CYTH4: variants seen among roughly 807,000 people sequenced by gnomAD.
The protein encoded by CYTH4 is cytohesin 4, also known as cytohesin-4.
A neutral mutation model predicts 57.5 loss-of-function variants in CYTH4; 22 were observed. That is an observed-to-expected ratio of 0.38 (90% CI 0.27 to 0.55). The LOEUF is 0.55. Ranked by LOEUF, CYTH4 falls within the 20% of genes least tolerant of loss-of-function variation. The pLI is 0.74. For synonymous variants in CYTH4, 186 were observed against 206.5 expected, an observed-to-expected ratio of 0.90 and a Z score of 0.85; for missense variants, 420 against 535.6, an observed-to-expected ratio of 0.78 and a Z score of 2.13.
intron 8 of CYTH4, among the ~76,000 whole-genome samples, chr22:37,308,164 A>G (rs1038475761): frequency 1.3e-5 from 2 of 152,222 alleles, no homozygotes; most frequent in South Asian, 4.1e-4. Flanking sequence ...GAAGTGGCCT[A>G]TCCTCCTCCC....
Position 37,311,085 on chromosome 22 carries a change from C to A in CYTH4, c.885+21C>A, listed in dbSNP as rs751633533. 1 of 1,611,896 alleles carries A rather than the reference C, an allele frequency of 6.2e-7. No homozygotes were observed. Among genetic ancestry groups the A allele is most frequent in the South Asian group, 1.1e-5 (1 of 91,038 alleles). On this transcript the variant is annotated intron_variant, in intron 10 of 12. Coordinates refer to ENST00000248901, the MANE Select transcript of CYTH4 (RefSeq NM_013385.5). This position sits in a 1 kb window ranked among gnomAD's most constrained non-coding sequence, Gnocchi z 4.4. The stretch of plus-strand genomic sequence containing the variant: ...CCACTGTGAGCAGGGTTCTCCTGGG[C>A]CTTCCCCTGCCCCCGCCTCTCCCCG...
intron 8 of CYTH4, among the ~76,000 whole-genome samples, chr22:37,308,345 ATGTG>A (rs967533990): frequency 6.6e-6 from 1 of 152,168 alleles, no homozygotes; most frequent in Non-Finnish European, 1.5e-5. Context: ...GTAAGCATGC[ATGTG>A]TGTGTGGGCA....
Position 37,312,000 on chromosome 22 carries a change from G to A in CYTH4, c.958-20G>A. The A allele has an allele frequency of 6.2e-7, 1 of 1,607,366 alleles. No individual in the cohort carries two copies. Among genetic ancestry groups the A allele is most frequent in the Non-Finnish European group, 8.5e-7 (1 of 1,174,938 alleles). ...CCAGCCTCCCTCTCTTCCCACCCTT[G>A]CCTGGCCACCTCCCCACAGTTCTGC... On this transcript the variant is annotated intron_variant, in intron 11 of 12. Coordinates refer to ENST00000248901, the MANE Select transcript of CYTH4 (RefSeq NM_013385.5). This position sits in a 1 kb window ranked among gnomAD's most constrained non-coding sequence, Gnocchi z 4.4.
intron 1 of CYTH4, among the ~76,000 whole-genome samples, chr22:37,290,257 A>G (rs968787714): frequency 3.9e-5 from 6 of 152,132 alleles, no homozygotes; most frequent in Admixed American, 2.0e-4. Flanking sequence ...GCTGATGTCA[A>G]CTTGGATCCT....
At chr22:37,290,633 G>A (rs1928715589) in intron 1 of CYTH4, among the ~76,000 whole-genome samples, 2 of 152,088 alleles carry the variant, frequency 1.3e-5, no homozygotes, top group African/African-American at 4.8e-5. Context: ...AGCCTCCTCC[G>A]GTGTACCTGG....
chr22:37,292,919 G>A (rs999556828), intron 2 of CYTH4, among the ~76,000 whole-genome samples: 3 of 151,746 alleles, frequency 2.0e-5, no homozygotes, highest in Non-Finnish European at 2.9e-5. Flanking sequence ...GGGAGGCAGC[G>A]ATCCAATTAG....
chr22:37,302,877 G>A (rs951164230), intron 7 of CYTH4, among the ~76,000 whole-genome samples: 2 of 152,138 alleles, frequency 1.3e-5, no homozygotes, highest in Non-Finnish European at 2.9e-5. Context: ...GTTCTTCTCC[G>A]AGTTCCGAGA....
rs1213906006 is a variant in CYTH4, at chr22:37,312,115, A to G, written c.1053A>G (p.Glu351=). Residue 351 remains glutamate, a synonymous_variant, in exon 12 of 13, where the codon GAA becomes GAG. Transcript: ENST00000248901. ...GDGRVVEGKH[E]SYRISATSAE... Reference sequence around the variant, plus strand: ...GCAGGGTGGTGGAGGGCAAGCACGAATCGTACCGCATCTCAGCCACCAGTG... The same window carrying G: ...GCAGGGTGGTGGAGGGCAAGCACGAGTCGTACCGCATCTCAGCCACCAGTG... The G allele has an allele frequency of 1.2e-6, 2 of 1,614,090 alleles. No homozygotes were observed. Among genetic ancestry groups the G allele is most frequent in the Non-Finnish European group, 1.7e-6 (2 of 1,180,034 alleles).
intron 8 of CYTH4, among the ~76,000 whole-genome samples, chr22:37,305,969 T>G (rs1929379721): frequency 6.6e-6 from 1 of 152,028 alleles, no homozygotes; most frequent in Non-Finnish European, 1.5e-5. Context: ...AAGCTCAGGG[T>G]GAAGGCACAG....
intron 1 of CYTH4, 200 bp from the exon 2 acceptor site, chr22:37,292,421 G>A: frequency 3.6e-6 from 2 of 561,996 alleles, no homozygotes; most frequent in East Asian, 2.9e-5. Flanking sequence ...AGGGGGGTGG[G>A]AGAAACAGGA....
rs148243993 is a variant in CYTH4 at position 37,297,879 on chromosome 22, A to C, written c.353+197A>C. The C allele has an allele frequency of 4.2e-3, 2,052 of 493,392 alleles. 12 individuals carry two copies. The highest frequency in any genetic ancestry group is 4.8e-3 in the Non-Finnish European group (1,274 of 267,876). 30.6% of individuals were successfully genotyped at this position (493,392 alleles called of 1,614,324 possible). ...CATTCATTTAGTCATTTATTCAACA[A>C]ATAAATGTTGCTCAGGGTCTACTGT... On this transcript the variant is annotated intron_variant, in intron 5 of 12. Transcript: ENST00000248901.
chr22:37,296,450 G>A (rs182352709), intron 4 of CYTH4: 6 of 217,648 alleles, frequency 2.8e-5, no homozygotes, highest in Non-Finnish European at 5.6e-5. Flanking sequence ...CCAGTCCTGC[G>A]GTCCCACCAC....
Position 37,313,475 on chromosome 22 carries a change from C to A in CYTH4, c.1149C>A (p.Val383=), listed in dbSNP as rs1601714115. ...SITRVPFYDL[V]STRKKKIASK... ...CCCGTGTCCCCTTCTACGACCTGGTCTCTACTCGGAAGAAGAAGATTGCCA... is the reference window on the plus strand; with the variant it reads ...CCCGTGTCCCCTTCTACGACCTGGTATCTACTCGGAAGAAGAAGATTGCCA... The change falls in exon 13 of 13, where the codon GTC becomes GTA. Residue 383 remains valine (V), a synonymous_variant. Transcript: ENST00000248901. 6.2e-7 allele frequency: 1 copy of A among 1,614,082 alleles called. No individual in the cohort carries two copies. Among genetic ancestry groups the A allele is most frequent in the Non-Finnish European group, 8.5e-7 (1 of 1,180,034 alleles).
chr22:37,307,087 C>T (rs1352914811), intron 8 of CYTH4, among the ~76,000 whole-genome samples: 2 of 152,170 alleles, frequency 1.3e-5, no homozygotes, highest in Non-Finnish European at 2.9e-5. Context: ...CCAGCAGGGC[C>T]ACCGGAAGGA....
chr22:37,303,186 G>C, intron 7 of CYTH4, 68 bp from the exon 8 acceptor site: 1 of 1,588,058 alleles, frequency 6.3e-7, no homozygotes, highest in South Asian at 1.1e-5. Context: ...TCTGGGCCCT[G>C]GAAGGGGCCG....
intron 8 of CYTH4, among the ~76,000 whole-genome samples, chr22:37,308,959 A>G (rs1193710299): frequency 2.0e-5 from 3 of 148,716 alleles, no homozygotes; most frequent in Non-Finnish European, 4.5e-5. Context: ...TCTGCCCTGC[A>G]GTAGCACAGA....
At chr22:37,292,828 C>T in intron 2 of CYTH4, 125 bp downstream of exon 2, 1 of 886,642 alleles carries the variant, frequency 1.1e-6, no homozygotes, top group East Asian at 2.8e-5. Flanking sequence ...TCATATCAGC[C>T]TCGGCCCCAG....
intron 4 of CYTH4, chr22:37,296,384 C>T (rs1010008808): frequency 5.8e-6 from 2 of 341,926 alleles, no homozygotes; most frequent in Admixed American, 9.1e-5. Context: ...CAGTGGAGCT[C>T]TTGGATCTGG....
rs571746614 is a variant in CYTH4 at position 37,293,178 on chromosome 22, C to A, written c.102+475C>A. Among the ~76,000 whole-genome samples the A allele has an allele frequency of 2.6e-5, 4 of 152,232 alleles. 1 individual carries two copies. The highest frequency in any genetic ancestry group is 4.1e-4 in the South Asian group (2 of 4,834). ...CTGGAACGTGCCTTGCTCAGCACTG[C>A]CCCTGGGCCTTTGCACTCGCAGTCC... is the stretch of plus-strand genomic sequence containing the variant. On this transcript the variant is annotated intron_variant, in intron 2 of 12. Coordinates refer to ENST00000248901, the MANE Select transcript of CYTH4 (RefSeq NM_013385.5).
Sources: gnomAD v4.1 joint callset for allele counts (sites outside exome capture counted in the v4.1 genomes callset) on GRCh38, gnomAD v4.1.1 for gene constraint, Gnocchi (gnomAD v3.1) non-coding constraint, MANE v1.5 for transcripts, NCBI Gene and HGNC (gene_info 2026-07-23, HGNC 2026-07-21) for gene names.